The following COL26A1 variants were observed in gnomAD, a reference collection of about 807,000 sequenced individuals.
The protein encoded by COL26A1 is collagen type XXVI alpha 1 chain.
Under a neutral mutation model 59.3 loss-of-function variants are expected in COL26A1, and 41 were observed. The observed-to-expected ratio is 0.69, with a 90% CI of 0.54 to 0.90. The LOEUF is 0.90. COL26A1 is among the 40% of genes least tolerant of loss of function. COL26A1 has a pLI of 0.00. For missense variants in COL26A1, 612 were observed against 602.3 expected (o/e 1.02, Z -0.17); for synonymous variants, 266 against 256.0 (o/e 1.04, Z -0.37).
intron 3 of COL26A1, among the ~76,000 whole-genome samples, chr7:101,532,758 C>T (rs973202096): frequency 6.6e-6 from 1 of 152,150 alleles, no homozygotes; most frequent in Non-Finnish European, 1.5e-5. Context: ...CTGCTTTGTG[C>T]CAGTCACTGA....
chr7:101,438,872 T>A (rs984844874), intron 2 of COL26A1, among the ~76,000 whole-genome samples: 1 of 144,008 alleles, frequency 6.9e-6, no homozygotes, highest in Non-Finnish European at 1.6e-5. Flanking sequence ...TTAGTAGAGA[T>A]GGGGTTTCAC....
intron 4 of COL26A1, among the ~76,000 whole-genome samples, chr7:101,536,508 G>C (rs1459591631): frequency 2.0e-5 from 3 of 152,226 alleles, no homozygotes; most frequent in Admixed American, 1.3e-4. Flanking sequence ...GGGTCAGCCA[G>C]GGCAGAGGCT....
chr7:101,550,639 GA>G (rs1562802082), intron 9 of COL26A1, among the ~76,000 whole-genome samples: 1 of 148,478 alleles, frequency 6.7e-6, no homozygotes, highest in African/African-American at 2.6e-5. Context: ...GAGGCTTCGG[GA>G]TGGGGGGCAC....
At chr7:101,502,634 G>C (rs1483595788) in intron 3 of COL26A1, among the ~76,000 whole-genome samples, 1 of 141,356 alleles carries the variant, frequency 7.1e-6, no homozygotes, top group East Asian at 1.9e-4. Context: ...GAGCCCCACT[G>C]TCAGGGGGGA....
Position 101,489,702 on chromosome 7 carries a change from T to TTTCTTTCTTTTTCG in COL26A1, c.385+41925_385+41926insTTCGTTCTTTCTTT, listed in dbSNP as rs1313521112. On this transcript the variant is annotated intron_variant, in intron 3 of 12. Coordinates refer to ENST00000313669, the MANE Select transcript of COL26A1 (RefSeq NM_001278563.3). ...CTTCCTTTCTTTCTTTCTTTCTGTC[T>TTTCTTTCTTTTTCG]TTCTTTCTTTCATTCTTTCTTTCTC... 6.9e-5 allele frequency among the ~76,000 whole-genome samples: 7 copies of TTTCTTTCTTTTTCG among 101,974 alleles called. 1 individual carries two copies. The highest frequency in any genetic ancestry group is 3.6e-4 in the Admixed American group (4 of 11,100). The allele number at this position is 101,974 out of a possible 152,430, so 66.9% of individuals were successfully genotyped here.
At chr7:101,419,890 C>A in intron 1 of COL26A1, 87 bp from the exon 2 acceptor site, 1 of 1,487,476 alleles carries the variant, frequency 6.7e-7, no homozygotes, top group African/African-American at 1.4e-5. Flanking sequence ...TTTGCGGGGG[C>A]CCCTCCCTGT....
At chr7:101,514,277 G>A (rs540955811) in intron 3 of COL26A1, among the ~76,000 whole-genome samples, 3 of 152,112 alleles carry the variant, frequency 2.0e-5, no homozygotes, top group Non-Finnish European at 4.4e-5. Flanking sequence ...GGCAGAGGCT[G>A]CAGTGGGCCA....
intron 3 of COL26A1, among the ~76,000 whole-genome samples, chr7:101,503,661 C>A (rs747020435): frequency 1.3e-5 from 2 of 152,192 alleles, no homozygotes; most frequent in African/African-American, 2.4e-5. Context: ...GGATTACAGG[C>A]GTGAGCCACT....
chr7:101,391,275 T>A (rs1404949103), intron 1 of COL26A1, among the ~76,000 whole-genome samples: 7 of 152,218 alleles, frequency 4.6e-5, no homozygotes, highest in Non-Finnish European at 1.5e-5. Context: ...CACCCCCTTT[T>A]TGCTGGAAGC....
At chr7:101,389,056 C>A in intron 1 of COL26A1, 1 of 241,664 alleles carries the variant, frequency 4.1e-6, no homozygotes, top group South Asian at 6.1e-5. Context: ...CCACCAGAAT[C>A]AGCCTTCTTG....
intron 3 of COL26A1, among the ~76,000 whole-genome samples, chr7:101,456,170 T>A (rs530799106): frequency 0.071 from 3,386 of 47,922 alleles, 70 homozygotes; most frequent in African/African-American, 0.18. Context: ...ATATATATAT[T>A]TTTTTTTTAA....
chr7:101,557,011 G>T (rs1795992972), intron 12 of COL26A1, among the ~76,000 whole-genome samples: 1 of 50,262 alleles, frequency 2.0e-5, no homozygotes, highest in Non-Finnish European at 5.6e-5. Flanking sequence ...ATGGATGGAT[G>T]GATGGATGGA....
chr7:101,447,213 T>A (rs868845), intron 2 of COL26A1, among the ~76,000 whole-genome samples: 31,635 of 152,090 alleles, frequency 0.21, 8,231 homozygotes, highest in African/African-American at 0.62. Flanking sequence ...CCAGGAGCAA[T>A]TTGGGGAGGT....
intron 1 of COL26A1, among the ~76,000 whole-genome samples, chr7:101,392,497 G>A (rs1413376017): frequency 6.7e-6 from 1 of 149,946 alleles, no homozygotes; most frequent in Non-Finnish European, 1.5e-5. Context: ...CGCCTCCCGG[G>A]TTCAAGCAAT....
Position 101,529,291 on chromosome 7 carries a change from C to T in COL26A1, c.386-3791C>T, listed in dbSNP as rs185062321. On this transcript the variant is annotated intron_variant, in intron 3 of 12. Transcript: ENST00000313669. The stretch of plus-strand genomic sequence containing the variant: ...TATTTTTTGTTTTTTGTTTTTGAAA[C>T]GGAGTTTTGCTCTCTTGGCCAGGCT... 1.4e-3 allele frequency among the ~76,000 whole-genome samples: 218 copies of T among 152,160 alleles called. 1 individual carries two copies. The highest frequency in any genetic ancestry group is 2.7e-3 in the East Asian group (14 of 5,174).
intron 3 of COL26A1, among the ~76,000 whole-genome samples, chr7:101,480,503 T>C (rs6963889): frequency 0.15 from 23,056 of 152,044 alleles, 2,821 homozygotes; most frequent in African/African-American, 0.34. Context: ...TTTATTTTTG[T>C]TTGTTTGTTT....
At chr7:101,498,396 C>G (rs1794632900) in intron 3 of COL26A1, among the ~76,000 whole-genome samples, 1 of 152,184 alleles carries the variant, frequency 6.6e-6, no homozygotes, top group Admixed American at 6.5e-5. Flanking sequence ...ACCCAACATC[C>G]TGCCTTTGGG....
chr7:101,445,595 G>A lies in COL26A1; in HGVS notation c.282-2089G>A, dbSNP rs906427684. 1.3e-3 allele frequency among the ~76,000 whole-genome samples: 200 copies of A among 151,590 alleles called. 1 individual carries two copies. Among genetic ancestry groups the A allele is most frequent in the African/African-American group, 4.5e-3 (186 of 41,334 alleles). On this transcript the variant is annotated intron_variant, in intron 2 of 12. Coordinates refer to ENST00000313669, the MANE Select transcript of COL26A1 (RefSeq NM_001278563.3). ...AAATACAAAAAAATTGGCCGGGCGTGGTGGCGGGCGCCTGTAGTCCCAGCT... is the reference window on the plus strand; with the variant it reads ...AAATACAAAAAAATTGGCCGGGCGTAGTGGCGGGCGCCTGTAGTCCCAGCT...
chr7:101,437,200 T>C (rs935300876), intron 2 of COL26A1, among the ~76,000 whole-genome samples: 1 of 152,040 alleles, frequency 6.6e-6, no homozygotes, highest in East Asian at 1.9e-4. Context: ...GAAGTCTGGG[T>C]ACTTTGAGGG....
Sources: gnomAD v4.1 joint callset for allele counts (sites outside exome capture counted in the v4.1 genomes callset) on GRCh38, gnomAD v4.1.1 for gene constraint, MANE v1.5 for transcripts, NCBI Gene and HGNC (gene_info 2026-07-23, HGNC 2026-07-21) for gene names.